Variants in ATRN observed in about 807,000 individuals in gnomAD.
The protein encoded by ATRN is attractin-2.
Under a neutral mutation model 178.7 loss-of-function variants are expected in ATRN, and 54 were observed. That is an observed-to-expected ratio of 0.30 (90% confidence interval 0.24 to 0.38). The LOEUF (loss-of-function observed/expected upper bound fraction) is 0.38. ATRN is among the 10% of genes least tolerant of loss of function. ATRN has a pLI of 1.00. For missense variants in ATRN, 1,443 were observed against 1,815.1 expected, an observed-to-expected ratio of 0.79 and a Z score of 3.73; for synonymous variants, 636 against 663.0, an observed-to-expected ratio of 0.96 and a Z score of 0.63.
chr20:3,559,366 T>C, intron 6 of ATRN, 27 bp from the exon 7 acceptor site: 1 of 1,523,214 alleles, frequency 6.6e-7, no homozygotes, highest in Non-Finnish European at 9.1e-7. Context: ...ATTAGTTGGG[T>C]GAAAATATGA....
At chr20:3,590,711 G>A (rs529856669) in intron 18 of ATRN, among the ~76,000 whole-genome samples, 2 of 152,260 alleles carry the variant, frequency 1.3e-5, no homozygotes, top group South Asian at 2.1e-4. Flanking sequence ...ATGAAATAAG[G>A]TGGTAAAATA....
intron 3 of ATRN, among the ~76,000 whole-genome samples, chr20:3,544,295 G>A (rs2085666888): frequency 6.6e-6 from 1 of 152,138 alleles, no homozygotes; most frequent in Non-Finnish European, 1.5e-5. Flanking sequence ...AGATTTCTGG[G>A]CATGAGCATT....
At chr20:3,636,049 T>G (rs2087022610) in intron 26 of ATRN, among the ~76,000 whole-genome samples, 1 of 152,200 alleles carries the variant, frequency 6.6e-6, no homozygotes, top group Admixed American at 6.5e-5. Flanking sequence ...AAGAAGGACA[T>G]TAGACCCAGG....
chr20:3,484,643 C>T (rs2084666081), intron 1 of ATRN, among the ~76,000 whole-genome samples: 1 of 152,040 alleles, frequency 6.6e-6, no homozygotes, highest in South Asian at 2.1e-4. Flanking sequence ...CAACAAAAAT[C>T]CCTGTTGATA....
chr20:3,583,677 G>A (rs1231641827), intron 16 of ATRN, among the ~76,000 whole-genome samples: 4 of 151,950 alleles, frequency 2.6e-5, no homozygotes, highest in East Asian at 3.9e-4. Context: ...ACGTGATGGC[G>A]CACCCCTGTA....
rs1183483320 is a variant in ATRN, at chr20:3,584,633, T to C, written c.2951-14T>C. On this transcript the variant is annotated splice_polypyrimidine_tract_variant and intron_variant, in intron 17 of 28. Coordinates refer to ENST00000262919, the MANE Select transcript of ATRN (RefSeq NM_139321.3). ...TACCTGTGATAGTCAATTGCAACTT[T>C]TTTTTTTTAATAGCTGAAAATTGTT... is the stretch of plus-strand genomic sequence containing the variant. The C allele has an allele frequency of 1.9e-6, 3 of 1,593,892 alleles. No homozygotes were observed. Among genetic ancestry groups the C allele is most frequent in the Non-Finnish European group, 1.7e-6 (2 of 1,169,106 alleles).
chr20:3,491,841 T>C (rs1437410038), intron 1 of ATRN, among the ~76,000 whole-genome samples: 3 of 152,180 alleles, frequency 2.0e-5, no homozygotes, highest in African/African-American at 7.2e-5. Context: ...ATTGTGTAGG[T>C]CTTTGTAGTC....
chr20:3,642,569 A>T (rs1327337174), intron 27 of ATRN, among the ~76,000 whole-genome samples: 1 of 152,158 alleles, frequency 6.6e-6, no homozygotes, highest in East Asian at 1.9e-4. Flanking sequence ...CACTTGATCT[A>T]GGCCACCGCT....
At chr20:3,481,353 G>A (rs1176371425) in intron 1 of ATRN, among the ~76,000 whole-genome samples, 1 of 152,040 alleles carries the variant, frequency 6.6e-6, no homozygotes, top group Non-Finnish European at 1.5e-5. Context: ...TGATCTTCGA[G>A]TGTTTGAGAC....
intron 1 of ATRN, among the ~76,000 whole-genome samples, chr20:3,510,020 T>C (rs189546058): frequency 1.3e-5 from 2 of 152,308 alleles, no homozygotes; most frequent in Non-Finnish European, 2.9e-5. Context: ...GTAAACTATA[T>C]ATATCGTGGC....
At chr20:3,617,650 T>A (rs183520729) in intron 24 of ATRN, among the ~76,000 whole-genome samples, 167 of 151,756 alleles carry the variant, frequency 1.1e-3, no homozygotes, top group Admixed American at 2.2e-3. Flanking sequence ...GAGACCCCCA[T>A]CCCTACTAAA....
At chr20:3,484,147 G>A (rs1422492736) in intron 1 of ATRN, among the ~76,000 whole-genome samples, 2 of 152,044 alleles carry the variant, frequency 1.3e-5, no homozygotes, top group East Asian at 3.9e-4. Flanking sequence ...TACTTGGGAA[G>A]TTGAGGTGGG....
chr20:3,555,311 C>A (rs1168022462), intron 6 of ATRN, among the ~76,000 whole-genome samples: 1 of 151,972 alleles, frequency 6.6e-6, no homozygotes, highest in Non-Finnish European at 1.5e-5. Context: ...CCGACCTGAC[C>A]TCTTACATAC....
At chr20:3,582,832 A>AC (rs2086299522) in intron 16 of ATRN, among the ~76,000 whole-genome samples, 1 of 152,216 alleles carries the variant, frequency 6.6e-6, no homozygotes, top group Non-Finnish European at 1.5e-5. Flanking sequence ...GACAGAAGCA[A>AC]CCCAGAACTA....
rs147728939 is a variant in ATRN at position 3,593,582 on chromosome 20, A to G, written c.3323-897A>G. Reference sequence around the variant, plus strand: ...ACGTAAGGCCTTTGCTTTTCACTATACATTACACACCTTCCCCCAGTCTCA... The same window carrying G: ...ACGTAAGGCCTTTGCTTTTCACTATGCATTACACACCTTCCCCCAGTCTCA... On this transcript the variant is annotated intron_variant, in intron 19 of 28. Transcript: ENST00000262919. 5.4e-3 allele frequency among the ~76,000 whole-genome samples: 821 copies of G among 152,248 alleles called. 13 individuals carry two copies. The highest frequency in any genetic ancestry group is 0.018 in the African/African-American group (758 of 41,534).
intron 1 of ATRN, among the ~76,000 whole-genome samples, chr20:3,472,262 T>C (rs541949863): frequency 6.6e-6 from 1 of 152,372 alleles, no homozygotes; most frequent in East Asian, 1.9e-4. Context: ...TTTGCTTCAG[T>C]TGTGCAATGA....
chr20:3,640,229 T>C (rs542142878), intron 27 of ATRN, among the ~76,000 whole-genome samples: 105 of 152,300 alleles, frequency 6.9e-4, no homozygotes, highest in African/African-American at 2.5e-3. Context: ...TTTAAATAAA[T>C]AAACTCAATT....
intron 20 of ATRN, 28 bp from the exon 21 acceptor site, chr20:3,596,349 G>A (rs764604194): frequency 1.3e-6 from 2 of 1,598,968 alleles, no homozygotes; most frequent in Non-Finnish European, 1.7e-6. Flanking sequence ...TTAAATAGCA[G>A]TATAAAATAG....
chr20:3,622,475 T>G (rs1444153500), intron 24 of ATRN, among the ~76,000 whole-genome samples: 1 of 152,206 alleles, frequency 6.6e-6, no homozygotes, highest in Non-Finnish European at 1.5e-5. Context: ...TGTTTGTTAA[T>G]CAAGTTTATG....
Sources: gnomAD v4.1 joint callset for allele counts (sites outside exome capture counted in the v4.1 genomes callset) on GRCh38, gnomAD v4.1.1 for gene constraint, MANE v1.5 for transcripts, NCBI Gene and HGNC (gene_info 2026-07-23, HGNC 2026-07-21) for gene names.